UBE2A: variants seen among roughly 807,000 people sequenced by gnomAD.
UBE2A encodes ubiquitin conjugating enzyme E2 A.
For synonymous variants in UBE2A, 39 were observed against 41.1 expected (o/e 0.95, Z 0.20); for missense variants, 27 against 125.8 (o/e 0.21, Z 3.76).
chrX:119,580,816 A>G (rs548986141), intron 3 of UBE2A: 1 of 112,057 alleles, frequency 8.9e-6, no homozygotes. Flanking sequence ...CATGAATGCA[A>G]TCTAAACCAA....
At chrX:119,575,333 G>A (rs368816911) in intron 2 of UBE2A, 42 bp from the exon 3 acceptor site, 2 of 1,209,553 alleles carry the variant, frequency 1.7e-6, no homozygotes, top group Non-Finnish European at 2.2e-6. Flanking sequence ...GGGAGAAGGG[G>A]GCCCCTTAAG....
chrX:119,578,073 A>G lies in UBE2A; in HGVS notation c.151+2673A>G, dbSNP rs2053429841. Among the ~76,000 whole-genome samples, 3 of 111,689 alleles carry G rather than the reference A, an allele frequency of 2.7e-5. No individual in the cohort carries two copies. In the Admixed American group the frequency reaches 2.9e-4, roughly 11 times the overall value. ...TATGTTATTAATTAAGAACCCCAAA[A>G]CTACTTTTGCTTCTTTGTTGTAAAC... On this transcript the variant is annotated intron_variant, in intron 3 of 5. Coordinates refer to ENST00000371558, the MANE Select transcript of UBE2A (RefSeq NM_003336.4).
intron 3 of UBE2A, 42 bp from the exon 4 acceptor site, chrX:119,581,465 G>A (rs2053450269): frequency 2.9e-6 from 3 of 1,033,675 alleles, no homozygotes; most frequent in Non-Finnish European, 2.7e-6. Context: ...ACTGAACAAA[G>A]TGATAAATAC....
At chrX:119,580,476 T>A (rs1270647462) in intron 3 of UBE2A, 1 of 112,259 alleles carries the variant, frequency 8.9e-6, no homozygotes, top group African/African-American at 3.2e-5. Context: ...TGGACCAGAG[T>A]AATATAGTGG....
Position 119,583,552 on chromosome X carries a change from A to G in UBE2A, c.*297A>G, listed in dbSNP as rs2147382555. 3.5e-6 allele frequency: 1 copy of G among 288,323 alleles called. No homozygotes were observed. The highest frequency in any genetic ancestry group is 6.2e-6 in the Non-Finnish European group (1 of 161,696). The allele number at this position is 288,323 out of a possible 1,213,427, so 23.8% of individuals were successfully genotyped here. ...CAGTTATTTTTATTATTGTACTTTA[A>G]GCTTTTAAGATGAATTGTTATACAA... On this transcript the variant is annotated 3_prime_UTR_variant, in exon 6 of 6. Transcript: ENST00000371558.
intron 3 of UBE2A, 123 bp downstream of exon 3, chrX:119,575,523 G>T: frequency 2.2e-6 from 2 of 923,182 alleles, no homozygotes; most frequent in Admixed American, 2.3e-5. Context: ...TCTGCTAAAG[G>T]CTTGAGTGGA....
rs1239488213 is a variant in UBE2A, at chrX:119,574,906, A to G, written c.50A>G (p.Gln17Arg). 1 of 1,211,580 alleles carries G rather than the reference A, an allele frequency of 8.3e-7. No individual in the cohort carries two copies. Among genetic ancestry groups the G allele is most frequent in the Non-Finnish European group, 1.1e-6 (1 of 895,126 alleles). ...RRLMRDFKRLQEDPPAGVSGA... is the reference protein window; with the variant it reads ...RRLMRDFKRLREDPPAGVSGA... ...CCCTGTCTGTCTTCCCGAAGGTTGC[A>G]GGAGGATCCTCCAGCCGGAGTCAGC... Residue 17 changes from glutamine to arginine, a missense_variant, in exon 2 of 6, where the codon CAG becomes CGG. By Grantham distance (43) the Gln-to-Arg change is conservative. Coordinates refer to ENST00000371558, the MANE Select transcript of UBE2A (RefSeq NM_003336.4).
intron 5 of UBE2A, 103 bp from the exon 6 acceptor site, chrX:119,583,024 C>A (rs7879933): frequency 0.044 from 45,959 of 1,045,144 alleles, 812 homozygotes; most frequent in South Asian, 0.091. Context: ...ATGCTAAAGA[C>A]AAGAAATGTA....
Position 119,574,585 on chromosome X carries a change from AG to A in UBE2A, c.-125del. On this transcript the variant is annotated 5_prime_UTR_variant, in exon 1 of 6. Transcript: ENST00000371558. ...GCCAGACCGACCCTCGACTTCGGAG[AG>A]GCAGCGCGGTTCCTCTGGGTGCTTC... The A allele has an allele frequency of 1.1e-6, 1 of 935,650 alleles. No individual in the cohort carries two copies. The highest frequency in any genetic ancestry group is 1.5e-6 in the Non-Finnish European group (1 of 670,572). 77.1% of individuals were successfully genotyped at this position (935,650 alleles called of 1,213,427 possible). A position where few individuals can be genotyped will look rare whatever the true frequency, so the allele number is the denominator to read the frequency against.
Position 119,583,371 on chromosome X carries a change from G to T in UBE2A, c.*116G>T. On this transcript the variant is annotated 3_prime_UTR_variant, in exon 6 of 6. Transcript: ENST00000371558. ...TTAAAAGCAAAATAACTGTTGTGCT[G>T]TTTCCATCTTCCTTGCCAAGTTTTC... 9.2e-7 allele frequency: 1 copy of T among 1,081,909 alleles called. No homozygotes were observed. Among genetic ancestry groups the T allele is most frequent in the Non-Finnish European group, 1.3e-6 (1 of 788,161 alleles). The allele number at this position is 1,081,909 out of a possible 1,213,427, so 89.2% of individuals were successfully genotyped here. A position where few individuals can be genotyped will look rare whatever the true frequency, so the allele number is the denominator to read the frequency against.
chrX:119,575,063 G>T, intron 2 of UBE2A, 82 bp downstream of exon 2: 1 of 1,121,394 alleles, frequency 8.9e-7, no homozygotes, highest in South Asian at 1.8e-5. Flanking sequence ...GCCCCCCGCG[G>T]AGGCCGAGCG....
rs376418391 is a variant in UBE2A at position 119,574,995 on chromosome X, C to A, written c.125+14C>A. 8 of 1,209,735 alleles carry A rather than the reference C, an allele frequency of 6.6e-6. No individual in the cohort carries two copies. The highest frequency in any genetic ancestry group is 3.5e-5 in the African/African-American group (2 of 57,463). ...GGTCATTTTCGGGTGAGTCTGCGTT[C>A]GTGGCGGTGGCGAGAAAACTGGGGA... On this transcript the variant is annotated intron_variant, in intron 2 of 5. Transcript: ENST00000371558.
At chrX:119,577,342 C>T (rs993220208) in intron 3 of UBE2A, among the ~76,000 whole-genome samples, 11 of 111,825 alleles carry the variant, frequency 9.8e-5, no homozygotes, top group African/African-American at 3.3e-4. Context: ...TTATGCTGGG[C>T]ACAGCTTTAT....
At chrX:119,576,973 G>C (rs1050585472) in intron 3 of UBE2A, 6 of 111,914 alleles carry the variant, frequency 5.4e-5, no homozygotes, top group Admixed American at 2.8e-4. Context: ...ACCCAGGCTG[G>C]AGTGCGATGG....
Position 119,584,280 on chromosome X carries a change from A to G in UBE2A, c.*1025A>G, listed in dbSNP as rs2053473522. ...GTACCTTTAAGTAGCAGTATGGGAC[A>G]AGGCTTGTAAATGTTTTGTCTAATG... On this transcript the variant is annotated 3_prime_UTR_variant, in exon 6 of 6. Transcript: ENST00000371558. 1 of 111,896 alleles carries G rather than the reference A, an allele frequency of 8.9e-6. No homozygotes were observed. The highest frequency in any genetic ancestry group is 2.8e-4 in the East Asian group (1 of 3,584). 9.2% of individuals were successfully genotyped at this position (111,896 alleles called of 1,213,427 possible). A position where few individuals can be genotyped will look rare whatever the true frequency, so the allele number is the denominator to read the frequency against.
chrX:119,576,852 T>G (rs764947746), intron 3 of UBE2A: 2 of 112,508 alleles, frequency 1.8e-5, no homozygotes, highest in Non-Finnish European at 3.8e-5. Context: ...TTGAACTGAT[T>G]TGTAGCAAAA....
intron 3 of UBE2A, among the ~76,000 whole-genome samples, chrX:119,579,274 G>T (rs1044008644): frequency 2.7e-5 from 3 of 111,994 alleles, no homozygotes; most frequent in Non-Finnish European, 5.6e-5. Context: ...CTCAAGTCAA[G>T]GAACTTGTGA....
chrX:119,575,434 GC>G, intron 3 of UBE2A, 34 bp downstream of exon 3: 1 of 1,210,600 alleles, frequency 8.3e-7, no homozygotes, highest in Non-Finnish European at 1.1e-6. Context: ...CTTTTCAGGA[GC>G]CTGGTCATCT....
In UBE2A at chrX:119,578,777, A is replaced by G. The variant is rs1358303586; in HGVS notation, c.152-2730A>G. Among the ~76,000 whole-genome samples, 11 of 111,591 alleles carry G rather than the reference A, an allele frequency of 9.9e-5. No individual in the cohort carries two copies. The Admixed American group carries it at 1.1e-3, about 11-fold the overall frequency. ...CATACACCAGTCACTTAACACGTTT[A>G]TGTAATTTTGGTGGTCTCCCTGTAT... On this transcript the variant is annotated intron_variant, in intron 3 of 5. Transcript: ENST00000371558.
Sources: gnomAD v4.1 joint callset for allele counts (sites outside exome capture counted in the v4.1 genomes callset) on GRCh38, gnomAD v4.1.1 for gene constraint, MANE v1.5 for transcripts, NCBI Gene and HGNC (gene_info 2026-07-23, HGNC 2026-07-21) for gene names.